Variants in MAPK8IP1 observed in about 807,000 individuals in gnomAD.
MAPK8IP1 encodes mitogen-activated protein kinase 8 interacting protein 1.
A neutral mutation model predicts 72.6 loss-of-function variants in MAPK8IP1; 17 were observed. That is an observed-to-expected ratio of 0.23 (90% CI 0.16 to 0.35). The LOEUF is 0.35. Among genes scored for constraint, MAPK8IP1 ranks in the 10% least tolerant of loss-of-function variants. The pLI is 1.00. For missense variants in MAPK8IP1, 789 were observed against 1,009.7 expected (o/e 0.78, Z 2.96); for synonymous variants, 401 against 443.4 (o/e 0.90, Z 1.20).
At chr11:45,891,189 A>G (rs2086563857) in intron 1 of MAPK8IP1, among the ~76,000 whole-genome samples, 1 of 152,122 alleles carries the variant, frequency 6.6e-6, no homozygotes, top group African/African-American at 2.4e-5. Context: ...GCCACAACAC[A>G]CTTCTAGCTT....
At position 45,902,803 on chromosome 11, in the gene MAPK8IP1, G is replaced by A. The variant is rs749968032; in HGVS notation, c.1036G>A (p.Glu346Lys). 1.6e-5 allele frequency: 26 copies of A among 1,586,986 alleles called. No individual in the cohort carries two copies. Among genetic ancestry groups the A allele is most frequent in the Non-Finnish European group, 2.1e-5 (25 of 1,169,390 alleles). Residue 346 changes from glutamate to lysine, a missense_variant, in exon 5 of 12, where the codon GAG (glutamate) becomes AAG (lysine). Physicochemically the swap from Glu to Lys is moderately conservative, Grantham distance 56. Around this residue, in one of 4 missense-constraint regions of MAPK8IP1, gnomAD observed 377 missense variants for 411.7 expected, o/e 0.92. Transcript: ENST00000241014. This position sits in a 1 kb window ranked among gnomAD's most constrained non-coding sequence, Gnocchi z 9.3. ...FDCLSSPERAEPPGGGWRGSL... is the reference protein window; with the variant it reads ...FDCLSSPERAKPPGGGWRGSL... ...CTGCCTGTCGTCCCCAGAGCGGGCT[G>A]AGCCCCCAGGCGGAGGGTGGCGGGG...
intron 1 of MAPK8IP1, among the ~76,000 whole-genome samples, chr11:45,895,628 AAAAAAAT>A (rs1268122752): frequency 3.6e-5 from 1 of 27,456 alleles, no homozygotes; most frequent in African/African-American, 8.0e-5. Flanking sequence ...TCAAAAAAAA[AAAAAAAT>A]ATATATATAT....
intron 2 of MAPK8IP1, among the ~76,000 whole-genome samples, chr11:45,898,687 T>G (rs2086626616): frequency 6.6e-6 from 1 of 152,234 alleles, no homozygotes. Context: ...CCACGCGGCC[T>G]CCCAGACCCT....
At position 45,903,342 on chromosome 11, in the gene MAPK8IP1, C is replaced by A; in HGVS notation, c.1418-23C>A. On this transcript the variant is annotated intron_variant, in intron 5 of 11. Transcript: ENST00000241014. This position sits in a 1 kb window ranked among gnomAD's most constrained non-coding sequence, Gnocchi z 6.4. The stretch of plus-strand genomic sequence containing the variant: ...TGGATCAGAGCTGCGACCCCCCATC[C>A]AGCCACACCACCTCACCTGCAGGTG... 1 of 1,612,356 alleles carries A rather than the reference C, an allele frequency of 6.2e-7. No individual in the cohort carries two copies. Among genetic ancestry groups the A allele is most frequent in the Non-Finnish European group, 8.5e-7 (1 of 1,178,866 alleles).
intron 1 of MAPK8IP1, 78 bp downstream of exon 1, chr11:45,885,999 C>T: frequency 1.2e-6 from 1 of 860,344 alleles, no homozygotes; most frequent in Non-Finnish European, 1.6e-6. Context: ...CGCCCCCCAC[C>T]CCAGAACCTC....
chr11:45,896,629 C>A, intron 1 of MAPK8IP1: 1 of 1,360,942 alleles, frequency 7.3e-7, no homozygotes, highest in Non-Finnish European at 9.5e-7. Flanking sequence ...GAGGAAGGTG[C>A]CTGCAGCTGA....
Position 45,905,896 on chromosome 11 carries a change from A to G in MAPK8IP1, c.*175A>G, listed in dbSNP as rs899345713. On this transcript the variant is annotated 3_prime_UTR_variant, in exon 12 of 12. Coordinates refer to ENST00000241014, the MANE Select transcript of MAPK8IP1 (RefSeq NM_005456.4). ...TGGGGCAATGGGGAGAGGCAAATGC[A>G]GTTTATTGTAATATATGGGATTAGA... 4.0e-5 allele frequency: 26 copies of G among 651,888 alleles called. No individual in the cohort carries two copies. In the African/African-American group the frequency reaches 4.6e-4, roughly 12 times the overall value. 40.4% of individuals were successfully genotyped at this position (651,888 alleles called of 1,614,324 possible).
chr11:45,902,693 T>C lies in MAPK8IP1; in HGVS notation c.926T>C (p.Val309Ala), dbSNP rs766872809. The change falls in exon 5 of 12, where the codon GTC becomes GCC. Residue 309 changes from valine (V) to alanine (A), a missense_variant. Val to Ala is a moderately conservative substitution (Grantham distance 64). Around this residue, in one of 4 missense-constraint regions of MAPK8IP1, gnomAD observed 377 missense variants for 411.7 expected, o/e 0.92. Transcript: ENST00000241014. The surrounding 1 kb of genome is among the most constrained non-coding windows in gnomAD (Gnocchi z 9.3). ...CCGCCCACTGAGAGCCGGATGTCAG[T>C]CAGCTCCGATCCAGACCCTGCCGCC... Reference protein sequence around the residue: ...FLPPTESRMSVSSDPDPAAYP... With the variant: ...FLPPTESRMSASSDPDPAAYP... 51 of 1,610,418 alleles carry C rather than the reference T, an allele frequency of 3.2e-5. No homozygotes were observed. The highest frequency in any genetic ancestry group is 4.1e-5 in the Non-Finnish European group (48 of 1,179,812).
chr11:45,893,987 G>GTAC (rs1225211986), intron 1 of MAPK8IP1, among the ~76,000 whole-genome samples: 2 of 152,060 alleles, frequency 1.3e-5, no homozygotes, highest in Non-Finnish European at 2.9e-5. Context: ...CTTGCACAGG[G>GTAC]TACTCTTTGA....
In MAPK8IP1 at chr11:45,905,986, C is replaced by A. The variant is rs1430650559; in HGVS notation, c.*265C>A. The A allele has an allele frequency of 2.4e-5, 14 of 576,938 alleles. No individual in the cohort carries two copies. The highest frequency in any genetic ancestry group is 4.4e-5 in the Non-Finnish European group (14 of 321,346). 35.7% of individuals were successfully genotyped at this position (576,938 alleles called of 1,614,324 possible). ...GAGGGACAGGGCTTGGGGAGCAGGT[C>A]TCTGGCAGAGAAGGATGTCCGTTCC... On this transcript the variant is annotated 3_prime_UTR_variant, in exon 12 of 12. Transcript: ENST00000241014.
At chr11:45,891,495 A>C (rs949440783) in intron 1 of MAPK8IP1, among the ~76,000 whole-genome samples, 5 of 152,182 alleles carry the variant, frequency 3.3e-5, no homozygotes, top group Non-Finnish European at 7.4e-5. Context: ...GTCAGTGCCC[A>C]GGTGAGTATG....
chr11:45,901,078 G>A (rs1021694809), intron 3 of MAPK8IP1, among the ~76,000 whole-genome samples: 5 of 152,146 alleles, frequency 3.3e-5, no homozygotes, highest in African/African-American at 1.2e-4. Context: ...GCTGGCTGTG[G>A]CCCTTTGTCT....
intron 1 of MAPK8IP1, among the ~76,000 whole-genome samples, chr11:45,891,780 A>G (rs966274196): frequency 4.6e-5 from 7 of 152,234 alleles, no homozygotes; most frequent in Non-Finnish European, 7.3e-5. Context: ...AGACTTTATA[A>G]TGTTGATTCC....
chr11:45,890,028 G>C (rs550273315), intron 1 of MAPK8IP1, among the ~76,000 whole-genome samples: 1 of 152,214 alleles, frequency 6.6e-6, no homozygotes. Flanking sequence ...CAGGCTCAGC[G>C]GGTCTAGACA....
At position 45,900,030 on chromosome 11, in the gene MAPK8IP1, C is replaced by T. The variant is rs997466881; in HGVS notation, c.208-108C>T. On this transcript the variant is annotated intron_variant, in intron 2 of 11. Transcript: ENST00000241014. The surrounding 1 kb of genome is among the most constrained non-coding windows in gnomAD (Gnocchi z 6.5). ...CCGGCGGCCCCTGCTCGGCTCCCCT[C>T]GTGCCCCCTTCGCGCCACAGAATGG... 1.0e-5 allele frequency: 7 copies of T among 695,694 alleles called. No homozygotes were observed. Among genetic ancestry groups the T allele is most frequent in the Non-Finnish European group, 1.3e-5 (7 of 529,422 alleles). 43.1% of individuals were successfully genotyped at this position (695,694 alleles called of 1,614,324 possible).
intron 1 of MAPK8IP1, 118 bp from the exon 2 acceptor site, chr11:45,897,967 C>A: frequency 1.4e-6 from 1 of 696,132 alleles, no homozygotes; most frequent in Non-Finnish European, 2.6e-6. Context: ...AACCCCAAAT[C>A]CTGTCCTCTG....
In MAPK8IP1 at chr11:45,885,706, C is replaced by A. The variant is rs1269602773; in HGVS notation, c.-115C>A. The stretch of plus-strand genomic sequence containing the variant: ...GCGCCCTGCCAGACACAGGTGCGCC[C>A]GCCTAGCCCGAACTCCGCGGCGGCG... On this transcript the variant is annotated 5_prime_UTR_variant, in exon 1 of 12. Coordinates refer to ENST00000241014, the MANE Select transcript of MAPK8IP1 (RefSeq NM_005456.4). The A allele has an allele frequency of 3.0e-5, 15 of 494,354 alleles. No homozygotes were observed. The highest frequency in any genetic ancestry group is 4.9e-5 in the Non-Finnish European group (15 of 306,916). 30.6% of individuals were successfully genotyped at this position (494,354 alleles called of 1,614,324 possible).
In MAPK8IP1 at chr11:45,902,883, C is replaced by G; in HGVS notation, c.1116C>G (p.Ser372Arg). 1 of 1,600,660 alleles carries G rather than the reference C, an allele frequency of 6.2e-7. No homozygotes were observed. The stretch of plus-strand genomic sequence containing the variant: ...GGGCCTCTCTGAGCTCGGACACCAG[C>G]GCCCTGTCCTATGACTCTGTCAAGT... ...PPRASLSSDT[S>R]ALSYDSVKYT... Residue 372 changes from serine to arginine, a missense_variant, in exon 5 of 12, where the codon AGC becomes AGG. Ser to Arg is a moderately radical substitution (Grantham distance 110). Transcript: ENST00000241014. This position sits in a 1 kb window ranked among gnomAD's most constrained non-coding sequence, Gnocchi z 9.3.
intron 1 of MAPK8IP1, chr11:45,896,772 G>A: frequency 6.6e-7 from 1 of 1,512,090 alleles, no homozygotes; most frequent in Non-Finnish European, 8.9e-7. Context: ...CCCAAGCGGT[G>A]GAGGCCAGAG....
Sources: gnomAD v4.1 joint callset for allele counts (sites outside exome capture counted in the v4.1 genomes callset) on GRCh38, gnomAD v4.1.1 for gene constraint, gnomAD v4.1.1 regional missense constraint, Gnocchi (gnomAD v3.1) non-coding constraint, MANE v1.5 for transcripts, NCBI Gene and HGNC (gene_info 2026-07-23, HGNC 2026-07-21) for gene names.